SLC17A6: variants seen among roughly 807,000 people sequenced by gnomAD.
SLC17A6 encodes the protein vesicular glutamate transporter 2.
In SLC17A6, 35 loss-of-function variants were observed where a neutral mutation model predicts 67.1. That is an observed-to-expected ratio of 0.52 (90% CI 0.40 to 0.69). SLC17A6 has a LOEUF of 0.69. Ranked by LOEUF, SLC17A6 falls within the 30% of genes least tolerant of loss-of-function variation. The probability of loss-of-function intolerance (pLI) is 0.00; values close to 1 mark genes in which losing one functional copy is unlikely to be tolerated. For synonymous variants in SLC17A6, 285 were observed against 252.3 expected (o/e 1.13, Z -1.23); for missense variants, 588 against 723.9 (o/e 0.81, Z 2.15).
At chr11:22,343,093 A>T (rs945194023) in intron 2 of SLC17A6, 154 bp from the exon 3 acceptor site, 2 of 730,094 alleles carry the variant, frequency 2.7e-6, no homozygotes, top group Admixed American at 4.4e-5. Flanking sequence ...GCAAGAGGCA[A>T]TTTTGTTAGG....
chr11:22,362,789 C>G lies in SLC17A6; in HGVS notation c.712C>G (p.Gln238Glu). 1.2e-6 allele frequency: 2 copies of G among 1,613,796 alleles called. No homozygotes were observed. Among genetic ancestry groups the G allele is most frequent in the Non-Finnish European group, 1.7e-6 (2 of 1,179,720 alleles). The stretch of plus-strand genomic sequence containing the variant: ...AATGCCTTTAGCTGGCATTCTTGTG[C>G]AGTACACTGGCTGGTCTTCAGTGTT... The part of the protein sequence containing the change: ...IAMPLAGILV[Q>E]YTGWSSVFYV... The change falls in exon 6 of 12, where the codon CAG becomes GAG. Residue 238 changes from glutamine to glutamate, a missense_variant. By Grantham distance (29) the Gln-to-Glu change is conservative (BLOSUM62 2). This residue lies in a region of SLC17A6 where 414 missense variants were observed against 563.4 expected (regional missense o/e 0.73). Coordinates refer to ENST00000263160, the MANE Select transcript of SLC17A6 (RefSeq NM_020346.3).
In SLC17A6 at chr11:22,339,165, GTTATATATATATGTT is replaced by G. The variant is rs1564976532; in HGVS notation, c.86+559_86+573del. On this transcript the variant is annotated intron_variant, in intron 1 of 11. Transcript: ENST00000263160. ...ATGTTATATATAGTTATATATATAT[GTTATATATATATGTT>G]TTATATATATATATATATATATATG... Among the ~76,000 whole-genome samples the G allele has an allele frequency of 2.0e-3, 93 of 45,542 alleles. 5 individuals carry two copies. The Admixed American group carries it at 0.024, about 12-fold the overall frequency. The allele number at this position is 45,542 out of a possible 152,430, so 29.9% of individuals were successfully genotyped here.
intron 4 of SLC17A6, among the ~76,000 whole-genome samples, chr11:22,360,421 T>C (rs948787741): frequency 1.3e-5 from 2 of 151,622 alleles, no homozygotes; most frequent in South Asian, 2.1e-4. Flanking sequence ...TAAACCACCA[T>C]GGCACACATT....
At chr11:22,348,164 C>G (rs1199177209) in intron 3 of SLC17A6, among the ~76,000 whole-genome samples, 1 of 152,162 alleles carries the variant, frequency 6.6e-6, no homozygotes, top group Non-Finnish European at 1.5e-5. Flanking sequence ...TCTGATGATA[C>G]ATGATGGCAA....
chr11:22,362,653 G>C, intron 5 of SLC17A6, 86 bp from the exon 6 acceptor site: 2 of 1,113,928 alleles, frequency 1.8e-6, no homozygotes, highest in Admixed American at 3.5e-5. Context: ...TCCAGCGTCT[G>C]TGTGAATCAA....
At chr11:22,347,637 C>A (rs983124061) in intron 3 of SLC17A6, among the ~76,000 whole-genome samples, 1 of 152,074 alleles carries the variant, frequency 6.6e-6, no homozygotes, top group African/African-American at 2.4e-5. Context: ...AGTCATATTT[C>A]TACCTTTAAA....
In SLC17A6 at chr11:22,371,236, G is replaced by A. The variant is rs570248319; in HGVS notation, c.1041+1048G>A. On this transcript the variant is annotated intron_variant, in intron 8 of 11. Transcript: ENST00000263160. ...TTGCTAAGTCCTGAATACATTGTCT[G>A]TGCTGGCAATGGTCTTGCTATCTCT... Among the ~76,000 whole-genome samples the A allele has an allele frequency of 2.2e-4, 34 of 152,132 alleles. No homozygotes were observed. In the South Asian group the frequency reaches 4.2e-3, roughly 19 times the overall value.
At position 22,360,941 on chromosome 11, in the gene SLC17A6, C is replaced by T; in HGVS notation, c.618C>T (p.Ala206=). The change falls in exon 5 of 12, where the codon GCC becomes GCT. Residue 206 remains alanine, a synonymous_variant. Transcript: ENST00000263160. ...PACHGIWSKW[A]PPLERSRLAT... ...GTCATGGGATATGGAGCAAATGGGC[C>T]CCACCTCTAGAGAGGAGTAGACTGG... The T allele has an allele frequency of 6.2e-7, 1 of 1,613,964 alleles. No homozygotes were observed. Among genetic ancestry groups the T allele is most frequent in the Non-Finnish European group, 8.5e-7 (1 of 1,179,910 alleles).
At chr11:22,365,134 T>C (rs555446203) in intron 6 of SLC17A6, among the ~76,000 whole-genome samples, 3 of 152,284 alleles carry the variant, frequency 2.0e-5, no homozygotes, top group Non-Finnish European at 4.4e-5. Context: ...TTATATATTC[T>C]AGGCAGGCAA....
intron 6 of SLC17A6, 64 bp from the exon 7 acceptor site, chr11:22,365,483 G>A: frequency 6.4e-7 from 1 of 1,556,016 alleles, no homozygotes; most frequent in Non-Finnish European, 8.9e-7. Context: ...GATGATTGCA[G>A]TTTTATTGCA....
chr11:22,340,931 C>T (rs1016625260), intron 1 of SLC17A6, among the ~76,000 whole-genome samples: 1 of 152,164 alleles, frequency 6.6e-6, no homozygotes, highest in Non-Finnish European at 1.5e-5. Context: ...GTGCTCCAGG[C>T]TCAGCTCAGG....
intron 3 of SLC17A6, among the ~76,000 whole-genome samples, chr11:22,358,229 G>C (rs972837016): frequency 3.3e-5 from 5 of 152,174 alleles, no homozygotes; most frequent in African/African-American, 1.2e-4. Flanking sequence ...GAGTTAGCAC[G>C]TCCCAAAACA....
In SLC17A6 at chr11:22,358,517, A is replaced by C. The variant is rs143063814; in HGVS notation, c.459-896A>C. ...TAATTATTTGTATTTTGTGTAGTAG[A>C]GATGGGGTTTCACTATGTTGGCCAG... is the stretch of plus-strand genomic sequence containing the variant. On this transcript the variant is annotated intron_variant, in intron 3 of 11. Transcript: ENST00000263160. Among the ~76,000 whole-genome samples, 300 of 152,282 alleles carry C rather than the reference A, an allele frequency of 2.0e-3. 2 individuals are homozygous for C. The highest frequency in any genetic ancestry group is 6.8e-3 in the African/African-American group (284 of 41,556).
chr11:22,354,336 G>T (rs1484477978), intron 3 of SLC17A6, among the ~76,000 whole-genome samples: 1 of 152,036 alleles, frequency 6.6e-6, no homozygotes, highest in African/African-American at 2.4e-5. Flanking sequence ...CACCCACCTC[G>T]GCCCCCAAAA....
At chr11:22,347,640 C>T (rs1855893917) in intron 3 of SLC17A6, among the ~76,000 whole-genome samples, 1 of 152,066 alleles carries the variant, frequency 6.6e-6, no homozygotes. Flanking sequence ...CATATTTCTA[C>T]CTTTAAAATT....
At chr11:22,361,210 A>T (rs1856048382) in intron 5 of SLC17A6, 1 of 443,100 alleles carries the variant, frequency 2.3e-6, no homozygotes, top group Non-Finnish European at 4.0e-6. Flanking sequence ...GATCCATTTC[A>T]TCTAGGATTT....
At chr11:22,368,827 A>G (rs1391292201) in intron 7 of SLC17A6, among the ~76,000 whole-genome samples, 1 of 152,032 alleles carries the variant, frequency 6.6e-6, no homozygotes, top group Non-Finnish European at 1.5e-5. Context: ...TGACACTGCC[A>G]CTAAAATTTT....
chr11:22,344,012 C>G (rs184027626), intron 3 of SLC17A6, among the ~76,000 whole-genome samples: 3 of 152,238 alleles, frequency 2.0e-5, no homozygotes, highest in African/African-American at 4.8e-5. Flanking sequence ...GCGCCACCAA[C>G]GGCACCTGGA....
chr11:22,339,131 TATATATATATGTTATATATAGTTATA>T (rs1564976383), intron 1 of SLC17A6, among the ~76,000 whole-genome samples: 12 of 24,296 alleles, frequency 4.9e-4, no homozygotes, highest in South Asian at 5.4e-3. Context: ...ATATATATGT[TATATATATATGTTATATATAGTTATA>T]TATATATGTT....
Sources: allele counts gnomAD v4.1 joint callset (sites outside exome capture counted in the v4.1 genomes callset), GRCh38; gene constraint gnomAD v4.1.1; regional missense constraint gnomAD v4.1.1; transcripts MANE v1.5; gene names NCBI Gene and HGNC (gene_info 2026-07-23, HGNC 2026-07-21).